Variants in ARHGAP44 observed in about 807,000 individuals in gnomAD.
ARHGAP44 encodes Rho GTPase activating protein 44, also known as rho GTPase-activating protein 44.
In ARHGAP44, 43 loss-of-function variants were observed where a neutral mutation model predicts 106.8. The observed-to-expected ratio is 0.40, with a 90% CI of 0.32 to 0.52. The LOEUF is 0.52. ARHGAP44 is among the 20% of genes least tolerant of loss of function. ARHGAP44 has a pLI of 0.48. For synonymous variants in ARHGAP44, 439 were observed against 410.3 expected, an observed-to-expected ratio of 1.07 and a Z score of -0.85; for missense variants, 866 against 1,050.5, an observed-to-expected ratio of 0.82 and a Z score of 2.43.
intron 12 of ARHGAP44, 135 bp from the exon 13 acceptor site, chr17:12,952,366 T>G (rs375000567): frequency 8.1e-6 from 6 of 740,460 alleles, no homozygotes; most frequent in African/African-American, 7.1e-5. Context: ...AACAACCAAA[T>G]TTTTAAATAC....
At chr17:12,987,159 T>G (rs2039981339) in intron 20 of ARHGAP44, 12 of 1,533,138 alleles carry the variant, frequency 7.8e-6, no homozygotes, top group Non-Finnish European at 1.0e-5. Context: ...CAGGGTAAGC[T>G]GGCCCCGGCC....
At chr17:12,898,233 C>A (rs2037272163) in intron 3 of ARHGAP44, among the ~76,000 whole-genome samples, 1 of 152,120 alleles carries the variant, frequency 6.6e-6, no homozygotes, top group Non-Finnish European at 1.5e-5. Flanking sequence ...TCTGACCTAC[C>A]AGTCAAGGGT....
At chr17:12,808,861 A>T (rs1426048422) in intron 1 of ARHGAP44, among the ~76,000 whole-genome samples, 1 of 152,198 alleles carries the variant, frequency 6.6e-6, no homozygotes, top group African/African-American at 2.4e-5. Flanking sequence ...AATTTTCTGA[A>T]CTTTTATGCT....
At chr17:12,806,195 G>T (rs935357607) in intron 1 of ARHGAP44, among the ~76,000 whole-genome samples, 3 of 152,148 alleles carry the variant, frequency 2.0e-5, no homozygotes, top group Admixed American at 1.3e-4. Context: ...GGTAAATGAG[G>T]TGCTCATGGC....
intron 7 of ARHGAP44, among the ~76,000 whole-genome samples, chr17:12,933,199 C>T (rs897470729): frequency 2.6e-5 from 4 of 152,092 alleles, no homozygotes; most frequent in African/African-American, 9.7e-5. Context: ...GGGTTATTTC[C>T]CCTGATCTCT....
chr17:12,893,977 G>C (rs2037125188), intron 1 of ARHGAP44, among the ~76,000 whole-genome samples: 1 of 152,084 alleles, frequency 6.6e-6, no homozygotes, highest in South Asian at 2.1e-4. Flanking sequence ...AACAATCCTA[G>C]GTTTTTAGTT....
chr17:12,792,684 G>A (rs1871019568), intron 1 of ARHGAP44, among the ~76,000 whole-genome samples: 1 of 152,122 alleles, frequency 6.6e-6, no homozygotes, highest in African/African-American at 2.4e-5. Context: ...CTCTTTCCGA[G>A]GGAGGACTAA....
intron 2 of ARHGAP44, among the ~76,000 whole-genome samples, chr17:12,896,148 T>C (rs1273078541): frequency 1.3e-5 from 2 of 149,544 alleles, no homozygotes; most frequent in African/African-American, 4.9e-5. Flanking sequence ...TTAGGAGATA[T>C]ATCTAATGTA....
In ARHGAP44 at chr17:12,974,270, C is replaced by T. The variant is rs2039611841; in HGVS notation, c.1723C>T (p.Pro575Ser). Residue 575 changes from proline to serine, a missense_variant, in exon 18 of 21, where the codon CCA becomes TCA. By Grantham distance (74) the Pro-to-Ser change is moderately conservative. Coordinates refer to ENST00000379672, the MANE Select transcript of ARHGAP44 (RefSeq NM_014859.6). ...CAGCCCCGCGGCCCCCGCGCTCTCT[C>T]CATCCGGCCTGGGCCTCCAGCCTGG... ...LDSPAAPALS[P>S]SGLGLQPGPE... 4.0e-6 allele frequency: 6 copies of T among 1,500,104 alleles called. No individual in the cohort carries two copies. The highest frequency in any genetic ancestry group is 3.5e-6 in the Non-Finnish European group (4 of 1,128,228). The allele number at this position is 1,500,104 out of a possible 1,614,324, so 92.9% of individuals were successfully genotyped here. A position where few individuals can be genotyped will look rare whatever the true frequency, so the allele number is the denominator to read the frequency against.
At chr17:12,985,047 A>C in intron 20 of ARHGAP44, 139 bp downstream of exon 20, 2 of 1,122,276 alleles carry the variant, frequency 1.8e-6, no homozygotes, top group Non-Finnish European at 2.5e-6. Context: ...GGGGTAGCTC[A>C]TAAGATCTCC....
At chr17:12,863,780 G>A (rs2036159433) in intron 1 of ARHGAP44, among the ~76,000 whole-genome samples, 1 of 152,166 alleles carries the variant, frequency 6.6e-6, no homozygotes, top group East Asian at 1.9e-4. Context: ...CAAACTTGTG[G>A]CTTAAAATAA....
rs757585682 is a variant in ARHGAP44, at chr17:12,978,035, T to TAAAAAAAAAA, written c.1764-2023_1764-2022insAAAAAAAAAA. Among the ~76,000 whole-genome samples, 337 of 55,496 alleles carry TAAAAAAAAAA rather than the reference T, an allele frequency of 6.1e-3. 46 individuals carry two copies. Among genetic ancestry groups the TAAAAAAAAAA allele is most frequent in the South Asian group, 9.5e-3 (14 of 1,466 alleles). 36.4% of individuals were successfully genotyped at this position (55,496 alleles called of 152,430 possible). ...CTGGGCAACAGAGCAAGACTCCATC[T>TAAAAAAAAAA]CAAAAAAAAAAAAAAAAAAAAGTGT... On this transcript the variant is annotated intron_variant, in intron 18 of 20. Transcript: ENST00000379672.
rs145831067 is a variant in ARHGAP44, at chr17:12,867,370, A to G, written c.54-27570A>G. Among the ~76,000 whole-genome samples, 586 of 152,254 alleles carry G rather than the reference A, an allele frequency of 3.8e-3. 19 individuals carry two copies. Among genetic ancestry groups the G allele is most frequent in the Admixed American group, 0.037 (560 of 15,286 alleles). On this transcript the variant is annotated intron_variant, in intron 1 of 20. Transcript: ENST00000379672. ...TCCGTCATAGCCCTGCCCTGCTAGA[A>G]ATGCCAGGGGTGGGAGGCATGTAAA...
At chr17:12,913,070 G>A (rs930267545) in intron 4 of ARHGAP44, among the ~76,000 whole-genome samples, 1 of 152,242 alleles carries the variant, frequency 6.6e-6, no homozygotes, top group African/African-American at 2.4e-5. Context: ...AACTCAATCC[G>A]CATTGAGACA....
chr17:12,822,102 A>G (rs907285564), intron 1 of ARHGAP44, among the ~76,000 whole-genome samples: 1 of 152,200 alleles, frequency 6.6e-6, no homozygotes, highest in Non-Finnish European at 1.5e-5. Flanking sequence ...GAGGGCTACA[A>G]TATATAAAGG....
intron 1 of ARHGAP44, among the ~76,000 whole-genome samples, chr17:12,798,701 G>T (rs888226767): frequency 2.1e-4 from 32 of 148,848 alleles, no homozygotes; most frequent in Admixed American, 2.1e-3. Context: ...GAAAGCATTT[G>T]ATTTTTTTCC....
intron 1 of ARHGAP44, among the ~76,000 whole-genome samples, chr17:12,813,836 T>G (rs1028254519): frequency 1.3e-5 from 2 of 152,088 alleles, no homozygotes; most frequent in African/African-American, 4.8e-5. Context: ...ATTCCCAGGC[T>G]GCTGCAGGCT....
intron 1 of ARHGAP44, 152 bp downstream of exon 1, chr17:12,790,043 A>C: frequency 1.5e-6 from 1 of 651,098 alleles, no homozygotes; most frequent in Non-Finnish European, 2.4e-6. Flanking sequence ...CGCAGGCGCG[A>C]CCCCTCCTCC....
intron 3 of ARHGAP44, among the ~76,000 whole-genome samples, chr17:12,899,966 G>T (rs1372179781): frequency 6.6e-6 from 1 of 152,160 alleles, no homozygotes; most frequent in Non-Finnish European, 1.5e-5. Flanking sequence ...GTGGCTGCCA[G>T]CCAGATGTGG....
Sources: gnomAD v4.1 joint callset for allele counts (sites outside exome capture counted in the v4.1 genomes callset) on GRCh38, gnomAD v4.1.1 for gene constraint, MANE v1.5 for transcripts, NCBI Gene and HGNC (gene_info 2026-07-23, HGNC 2026-07-21) for gene names.